The following CLPB variants were observed in gnomAD, a reference collection of about 807,000 sequenced individuals.
The protein encoded by CLPB is mitochondrial disaggregase.
Under a neutral mutation model 78.4 loss-of-function variants are expected in CLPB, and 40 were observed. The observed-to-expected ratio is 0.51, with a 90% CI of 0.40 to 0.66. The LOEUF (loss-of-function observed/expected upper bound fraction) is 0.66, where lower values mean the gene tolerates loss of function less well. Ranked by LOEUF, CLPB falls within the 30% of genes least tolerant of loss-of-function variation. CLPB has a pLI of 0.00. For missense variants in CLPB, 780 were observed against 886.9 expected, an observed-to-expected ratio of 0.88 and a Z score of 1.53; for synonymous variants, 333 against 348.0, an observed-to-expected ratio of 0.96 and a Z score of 0.48.
chr11:72,338,331 C>T (rs1162537695), intron 5 of CLPB, among the ~76,000 whole-genome samples: 1 of 152,028 alleles, frequency 6.6e-6, no homozygotes, highest in African/African-American at 2.4e-5. Context: ...GAGCACTAAA[C>T]AAAAAAGGAC....
At chr11:72,297,573 C>T (rs545515876) in intron 11 of CLPB, among the ~76,000 whole-genome samples, 1 of 151,762 alleles carries the variant, frequency 6.6e-6, no homozygotes, top group East Asian at 1.9e-4. Context: ...TTCACTCTTA[C>T]CCCACTGCTT....
At chr11:72,342,745 G>A (rs556618932) in intron 5 of CLPB, among the ~76,000 whole-genome samples, 1 of 152,200 alleles carries the variant, frequency 6.6e-6, no homozygotes, top group Non-Finnish European at 1.5e-5. Context: ...CGAGCCTGGG[G>A]TCTGGGCTGA....
chr11:72,425,870 G>A (rs1394222503), intron 2 of CLPB, among the ~76,000 whole-genome samples: 2 of 152,082 alleles, frequency 1.3e-5, no homozygotes, highest in East Asian at 1.9e-4. Flanking sequence ...CATTTCCTCT[G>A]GAAGTCTTTC....
intron 5 of CLPB, among the ~76,000 whole-genome samples, chr11:72,355,738 A>G (rs1308433751): frequency 6.6e-6 from 1 of 152,176 alleles, no homozygotes; most frequent in African/African-American, 2.4e-5. Context: ...TATCAGCCTG[A>G]TGCTTCTGTC....
chr11:72,432,144 C>T (rs1447322436), intron 1 of CLPB, among the ~76,000 whole-genome samples: 1 of 152,172 alleles, frequency 6.6e-6, no homozygotes, highest in African/African-American at 2.4e-5. Context: ...CCTTATCCTC[C>T]AACCAAGCTG....
chr11:72,359,626 A>G (rs1024675800), intron 4 of CLPB, among the ~76,000 whole-genome samples: 9 of 152,244 alleles, frequency 5.9e-5, no homozygotes, highest in African/African-American at 1.9e-4. Context: ...AAAATCACAG[A>G]AAAGTACAAC....
At chr11:72,354,526 G>T (rs1456742609) in intron 5 of CLPB, 18 of 382,814 alleles carry the variant, frequency 4.7e-5, no homozygotes, top group Non-Finnish European at 7.4e-5. Flanking sequence ...TCATCTTCAG[G>T]CACTTGAAGT....
At chr11:72,350,930 C>T (rs1394888971) in intron 5 of CLPB, among the ~76,000 whole-genome samples, 2 of 152,154 alleles carry the variant, frequency 1.3e-5, no homozygotes, top group Non-Finnish European at 2.9e-5. Context: ...GCAACCATCA[C>T]CATAATCTAA....
At position 72,374,577 on chromosome 11, in the gene CLPB, G is replaced by A. The variant is rs566395594; in HGVS notation, c.646+5704C>T. ...AGAAACACCAACTTTGACAAAAGTG[G>A]ACCCAGCTAAGTAGGCTTCTTGCTA... On this transcript the variant is annotated intron_variant, in intron 4 of 15. Coordinates refer to ENST00000538039, the MANE Select transcript of CLPB (RefSeq NM_001258392.3). Among the ~76,000 whole-genome samples the A allele has an allele frequency of 5.3e-5, 8 of 152,310 alleles. No homozygotes were observed. In the South Asian group the frequency reaches 1.7e-3, roughly 32 times the overall value.
At chr11:72,305,016 A>T (rs1949721425) in intron 9 of CLPB, among the ~76,000 whole-genome samples, 1 of 152,160 alleles carries the variant, frequency 6.6e-6, no homozygotes, top group African/African-American at 2.4e-5. Flanking sequence ...TAATGAGTTG[A>T]CCCACAGGGC....
rs1383351898 is a variant in CLPB, at chr11:72,294,052, C to T, written c.1755G>A (p.Val585=). 1 of 1,614,126 alleles carries T rather than the reference C, an allele frequency of 6.2e-7. No homozygotes were observed. Among genetic ancestry groups the T allele is most frequent in the Admixed American group, 1.7e-5 (1 of 60,024 alleles). The stretch of plus-strand genomic sequence containing the variant: ...GTTTGATGGAGCGGGCGCCATAGTG[C>T]ACATTGTAGCCGTCGACCAGCACAT... ...VADVLVDGYN[V]HYGARSIKHE... The change falls in exon 15 of 16, where the codon GTG becomes GTA. Residue 585 remains valine (V), a synonymous_variant. Coordinates refer to ENST00000538039, the MANE Select transcript of CLPB (RefSeq NM_001258392.3).
intron 3 of CLPB, among the ~76,000 whole-genome samples, chr11:72,399,769 C>CT (rs1565485593): frequency 6.6e-6 from 1 of 152,118 alleles, no homozygotes. Flanking sequence ...AAGGGTGCTC[C>CT]CCCTCTATCT....
At chr11:72,428,625 T>C (rs1206127908) in intron 2 of CLPB, among the ~76,000 whole-genome samples, 1 of 152,184 alleles carries the variant, frequency 6.6e-6, no homozygotes, top group Non-Finnish European at 1.5e-5. Context: ...CGCTCATCTC[T>C]GATGTCCTCA....
intron 6 of CLPB, among the ~76,000 whole-genome samples, chr11:72,321,852 A>G (rs929563353): frequency 6.6e-6 from 1 of 151,866 alleles, no homozygotes; most frequent in Non-Finnish European, 1.5e-5. Context: ...TGAATCCCTG[A>G]CTCAGATGGT....
At chr11:72,340,914 G>A (rs1221013530) in intron 5 of CLPB, among the ~76,000 whole-genome samples, 1 of 152,134 alleles carries the variant, frequency 6.6e-6, no homozygotes, top group Non-Finnish European at 1.5e-5. Flanking sequence ...GCAGTGGCAC[G>A]ATCTCGGCTC....
At chr11:72,295,461 T>C (rs1398881811) in intron 12 of CLPB, 31 bp downstream of exon 12, 6 of 1,602,650 alleles carry the variant, frequency 3.7e-6, no homozygotes, top group Non-Finnish European at 5.1e-6. Context: ...GCTTGGTCAC[T>C]GGACCAGACT....
intron 2 of CLPB, among the ~76,000 whole-genome samples, chr11:72,415,141 G>A (rs924813927): frequency 2.0e-5 from 3 of 152,110 alleles, no homozygotes; most frequent in Admixed American, 6.5e-5. Flanking sequence ...ACTTGAACCC[G>A]GGAGGCGTGG....
chr11:72,290,946 A>C lies in CLPB; in HGVS notation c.*2421T>G, dbSNP rs1341777066. 6.7e-6 allele frequency: 1 copy of C among 148,822 alleles called. No individual in the cohort carries two copies. The highest frequency in any genetic ancestry group is 1.5e-5 in the Non-Finnish European group (1 of 66,758). 9.2% of individuals were successfully genotyped at this position (148,822 alleles called of 1,614,324 possible). A position where few individuals can be genotyped will look rare whatever the true frequency, so the allele number is the denominator to read the frequency against. On this transcript the variant is annotated 3_prime_UTR_variant, in exon 16 of 16. Transcript: ENST00000538039. Reference sequence around the variant, plus strand: ...GGTGACAGAGCGGGACTCCGTCTCAAAAAAAAAAAAAAAACCAAAACAAAA... The same window carrying C: ...GGTGACAGAGCGGGACTCCGTCTCACAAAAAAAAAAAAAACCAAAACAAAA...
intron 5 of CLPB, among the ~76,000 whole-genome samples, chr11:72,349,892 A>G (rs1950582895): frequency 6.6e-6 from 1 of 152,224 alleles, no homozygotes; most frequent in Non-Finnish European, 1.5e-5. Flanking sequence ...CCCTCACCCA[A>G]GGGAGCCTTG....
Sources: gnomAD v4.1 joint callset for allele counts (sites outside exome capture counted in the v4.1 genomes callset) on GRCh38, gnomAD v4.1.1 for gene constraint, MANE v1.5 for transcripts, NCBI Gene and HGNC (gene_info 2026-07-23, HGNC 2026-07-21) for gene names.